The following LIPI variants were observed in gnomAD, a reference collection of about 807,000 sequenced individuals.
LIPI encodes the protein lipase member I.
In LIPI, 59 loss-of-function variants were observed where a neutral mutation model predicts 50.6. That is an observed-to-expected ratio of 1.16 (90% confidence interval 0.94 to 1.45). LIPI has a LOEUF of 1.45. Ranked by LOEUF, LIPI falls within the 40% of genes most tolerant of loss-of-function variation. The pLI is 0.00. For synonymous variants in LIPI, 203 were observed against 178.2 expected (o/e 1.14, Z -1.11); for missense variants, 586 against 536.3 (o/e 1.09, Z -0.92).
rs1355518004 is a variant in LIPI, at chr21:14,185,970, T to C, written c.532A>G (p.Arg178Gly). Residue 178 changes from arginine (R) to glycine (G), a missense_variant, in exon 3 of 10, where the codon AGA becomes GGA. Coordinates refer to ENST00000681601, the MANE Select transcript of LIPI (RefSeq NM_001302998.2). The part of the protein sequence containing the change: ...VGKIFHGQLG[R>G]ITGLDPAGPR... ...ATAAAAATAATTTTACCTGTTATTC[T>C]TCCAAGTTGACCATGAAATATCTTT... 6.6e-7 allele frequency: 1 copy of C among 1,512,906 alleles called. No homozygotes were observed. The highest frequency in any genetic ancestry group is 9.2e-7 in the Non-Finnish European group (1 of 1,088,574). 93.7% of individuals were successfully genotyped at this position (1,512,906 alleles called of 1,614,324 possible).
intron 9 of LIPI, among the ~76,000 whole-genome samples, chr21:14,139,640 GATA>G (rs1478552833): frequency 6.6e-6 from 1 of 152,142 alleles, no homozygotes; most frequent in African/African-American, 2.4e-5. Context: ...GGACAGTATA[GATA>G]ATAACTCCTA....
chr21:14,110,906 C>T (rs941916999), intron 9 of LIPI, among the ~76,000 whole-genome samples: 2 of 148,046 alleles, frequency 1.4e-5, no homozygotes, highest in Admixed American at 6.8e-5. Context: ...TATATGCATA[C>T]TATATTTTTA....
chr21:14,167,239 C>G (rs1275117732), intron 4 of LIPI, among the ~76,000 whole-genome samples: 2 of 152,340 alleles, frequency 1.3e-5, no homozygotes, highest in Non-Finnish European at 2.9e-5. Context: ...CCCACCACAG[C>G]TCAAGGAGGC....
chr21:14,139,976 G>C (rs974046949), intron 9 of LIPI, among the ~76,000 whole-genome samples: 5 of 152,126 alleles, frequency 3.3e-5, no homozygotes, highest in Non-Finnish European at 5.9e-5. Context: ...TACTAGTTAG[G>C]TCATGTGGAG....
In LIPI at chr21:14,141,186, G is replaced by A. The variant is rs941245411; in HGVS notation, c.1295+3437C>T. ...AGGGGAATTTTTTTTTATTACATCCGTAGTTAGTTCTTCTGCTGTGTCTCC... is the reference window on the plus strand; with the variant it reads ...AGGGGAATTTTTTTTTATTACATCCATAGTTAGTTCTTCTGCTGTGTCTCC... On this transcript the variant is annotated intron_variant, in intron 9 of 9. Coordinates refer to ENST00000681601, the MANE Select transcript of LIPI (RefSeq NM_001302998.2). Among the ~76,000 whole-genome samples, 8 of 151,746 alleles carry A rather than the reference G, an allele frequency of 5.3e-5. No homozygotes were observed. In the South Asian group the frequency reaches 6.2e-4, roughly 12 times the overall value.
chr21:14,180,637 A>T (rs2019239863), intron 4 of LIPI, among the ~76,000 whole-genome samples: 1 of 152,224 alleles, frequency 6.6e-6, no homozygotes, highest in East Asian at 1.9e-4. Context: ...AAGCTGATAT[A>T]AAGAGTTAGA....
chr21:14,209,950 T>C (rs551509282), intron 1 of LIPI, among the ~76,000 whole-genome samples: 1 of 152,082 alleles, frequency 6.6e-6, no homozygotes, highest in East Asian at 1.9e-4. Context: ...TATATTTAAA[T>C]ATAAAATTCA....
chr21:14,206,983 A>C (rs2020244316), intron 1 of LIPI: 1 of 1,170,516 alleles, frequency 8.5e-7, no homozygotes, highest in Non-Finnish European at 1.3e-6. Context: ...ATAAGAAGGA[A>C]GACCCTTTTG....
At chr21:14,186,123 T>C in intron 2 of LIPI, 54 bp from the exon 3 acceptor site, 1 of 954,148 alleles carries the variant, frequency 1.0e-6, no homozygotes, top group Non-Finnish European at 1.7e-6. Context: ...TAATAACAAA[T>C]CATGCCCCCC....
intron 3 of LIPI, among the ~76,000 whole-genome samples, chr21:14,183,656 G>C (rs1173575074): frequency 2.6e-5 from 4 of 152,122 alleles, no homozygotes; most frequent in Non-Finnish European, 4.4e-5. Context: ...CCATCAAAAA[G>C]TGGGTGAAGG....
At chr21:14,163,812 T>C (rs1001647849) in intron 6 of LIPI, among the ~76,000 whole-genome samples, 1 of 151,936 alleles carries the variant, frequency 6.6e-6, no homozygotes, top group Non-Finnish European at 1.5e-5. Context: ...GTTTTACTGT[T>C]ATAAATTCAG....
intron 4 of LIPI, among the ~76,000 whole-genome samples, chr21:14,181,005 ACT>A (rs1365998884): frequency 2.0e-5 from 3 of 152,094 alleles, no homozygotes; most frequent in Non-Finnish European, 4.4e-5. Flanking sequence ...TCAAATTCTG[ACT>A]CTGCCATTTA....
intron 4 of LIPI, among the ~76,000 whole-genome samples, chr21:14,169,148 A>C (rs1192673842): frequency 1.3e-5 from 2 of 152,242 alleles, no homozygotes; most frequent in Non-Finnish European, 2.9e-5. Flanking sequence ...GGATCAATTC[A>C]ACAAGAAGAG....
In LIPI at chr21:14,189,053, A is replaced by G. The variant is rs755501034; in HGVS notation, c.413T>C (p.Val138Ala). The change falls in exon 2 of 10, where the codon GTG (valine) becomes GCG (alanine). Residue 138 changes from valine to alanine, a missense_variant. Physicochemically the swap from Val to Ala is moderately conservative, Grantham distance 64. Transcript: ENST00000681601. ...ACTTACCAAAAGATTTTTAATGTGC[A>G]CACTCAAACTCACAGCAACTTTTCT... ...NTRKVAVSLS[V>A]HIKNLLKHGA... 1.9e-6 allele frequency: 3 copies of G among 1,606,458 alleles called. No homozygotes were observed. The South Asian group carries it at 3.3e-5, about 18-fold the overall frequency.
At chr21:14,160,813 A>G (rs369285341) in intron 7 of LIPI, among the ~76,000 whole-genome samples, 1 of 151,446 alleles carries the variant, frequency 6.6e-6, no homozygotes, top group African/African-American at 2.4e-5. Context: ...AAAAAGCCCA[A>G]TTGAAAAATA....
Position 14,197,274 on chromosome 21 carries a change from T to TAAA in LIPI, c.47-7858_47-7856dup, listed in dbSNP as rs1167263023. Among the ~76,000 whole-genome samples the TAAA allele has an allele frequency of 7.9e-5, 12 of 152,172 alleles. No homozygotes were observed. In the South Asian group the frequency reaches 2.3e-3, roughly 29 times the overall value. Reference sequence around the variant, plus strand: ...ATAAAACACTAGGGCATATTTCCATTAAAATTAAGAAAGTATAAAAAGTGC... The same window carrying TAAA: ...ATAAAACACTAGGGCATATTTCCATTAAAAAAATTAAGAAAGTATAAAAAGTGC... On this transcript the variant is annotated intron_variant, in intron 1 of 9. Transcript: ENST00000681601.
At chr21:14,123,345 A>T (rs1394791575) in intron 9 of LIPI, among the ~76,000 whole-genome samples, 1 of 152,212 alleles carries the variant, frequency 6.6e-6, no homozygotes, top group Non-Finnish European at 1.5e-5. Context: ...GCGCTGAATC[A>T]GTTGTGGTAT....
At chr21:14,186,713 T>C (rs754339506) in intron 2 of LIPI, among the ~76,000 whole-genome samples, 17 of 152,186 alleles carry the variant, frequency 1.1e-4, no homozygotes, top group South Asian at 1.0e-3. Context: ...TTAGGAGAAT[T>C]ATGTCATGAG....
At chr21:14,149,829 G>C (rs1286419654) in intron 8 of LIPI, among the ~76,000 whole-genome samples, 1 of 152,178 alleles carries the variant, frequency 6.6e-6, no homozygotes, top group Non-Finnish European at 1.5e-5. Flanking sequence ...GCTTTAGGCA[G>C]CTCCACCCCT....
Sources: gnomAD v4.1 joint callset for allele counts (sites outside exome capture counted in the v4.1 genomes callset) on GRCh38, gnomAD v4.1.1 for gene constraint, MANE v1.5 for transcripts, NCBI Gene and HGNC (gene_info 2026-07-23, HGNC 2026-07-21) for gene names.